The following ADAMTS18 variants were observed in gnomAD, a reference collection of about 807,000 sequenced individuals.
The protein encoded by ADAMTS18 is A disintegrin and metalloproteinase with thrombospondin motifs 18.
A neutral mutation model predicts 165.9 loss-of-function variants in ADAMTS18; 157 were observed. That is an observed-to-expected ratio of 0.95 (90% confidence interval 0.83 to 1.08). The LOEUF is 1.08. Ranked by LOEUF, ADAMTS18 falls within the 50% of genes least tolerant of loss-of-function variation. The probability of loss-of-function intolerance (pLI) is 0.00; values close to 1 mark genes in which losing one functional copy is unlikely to be tolerated. For synonymous variants in ADAMTS18, 782 were observed against 578.2 expected (o/e 1.35, Z -5.06); for missense variants, 2,040 against 1,534.0 (o/e 1.33, Z -5.51).
chr16:77,429,020 A>G (rs1295924296), intron 3 of ADAMTS18, among the ~76,000 whole-genome samples: 1 of 152,216 alleles, frequency 6.6e-6, no homozygotes, highest in East Asian at 1.9e-4. Flanking sequence ...ACCATTGTGG[A>G]AAGCAGTATG....
chr16:77,419,109 A>C (rs2144844375), intron 3 of ADAMTS18, among the ~76,000 whole-genome samples: 1 of 152,292 alleles, frequency 6.6e-6, no homozygotes, highest in East Asian at 1.9e-4. Context: ...AGATCATGCC[A>C]CTGCACTCCA....
At chr16:77,433,996 G>GA (rs760381285) in intron 2 of ADAMTS18, among the ~76,000 whole-genome samples, 1 of 152,086 alleles carries the variant, frequency 6.6e-6, no homozygotes, top group Non-Finnish European at 1.5e-5. Flanking sequence ...GAAGTCGAGA[G>GA]AAAAATGAGG....
chr16:77,377,695 C>T (rs988081500), intron 3 of ADAMTS18, among the ~76,000 whole-genome samples: 3 of 152,158 alleles, frequency 2.0e-5, no homozygotes, highest in Admixed American at 6.5e-5. Context: ...TTATTTTTCA[C>T]TTTTTAATTT....
At chr16:77,303,963 G>A (rs994412193) in intron 16 of ADAMTS18, among the ~76,000 whole-genome samples, 13 of 152,114 alleles carry the variant, frequency 8.5e-5, no homozygotes, top group African/African-American at 3.1e-4. Context: ...TCAGGAGGCG[G>A]AGCTTGCAGT....
intron 12 of ADAMTS18, among the ~76,000 whole-genome samples, chr16:77,334,189 GTTATATA>G: frequency 1.4e-5 from 1 of 73,230 alleles, no homozygotes; most frequent in Non-Finnish European, 2.4e-5. Flanking sequence ...AATATATAGT[GTTATATA>G]TTACATATAA....
chr16:77,351,369 A>C (rs1479166135), intron 10 of ADAMTS18, among the ~76,000 whole-genome samples: 1 of 152,174 alleles, frequency 6.6e-6, no homozygotes, highest in Non-Finnish European at 1.5e-5. Flanking sequence ...GACCATCAGA[A>C]TGAGAAGCTG....
At chr16:77,403,546 G>T (rs1395298829) in intron 3 of ADAMTS18, among the ~76,000 whole-genome samples, 1 of 152,170 alleles carries the variant, frequency 6.6e-6, no homozygotes, top group Non-Finnish European at 1.5e-5. Context: ...GTAGTTAAAA[G>T]TCAATAGTAA....
intron 16 of ADAMTS18, among the ~76,000 whole-genome samples, chr16:77,311,849 T>G (rs2055787228): frequency 6.6e-6 from 1 of 152,176 alleles, no homozygotes; most frequent in South Asian, 2.1e-4. Context: ...ACATTAAGTT[T>G]TTCTTGAATC....
chr16:77,424,173 A>AAGGCAGGC (rs112229694), intron 3 of ADAMTS18, among the ~76,000 whole-genome samples: 5 of 151,932 alleles, frequency 3.3e-5, no homozygotes, highest in South Asian at 2.1e-4. Flanking sequence ...CATACCCGAA[A>AAGGCAGGC]AGGCAGGCAG....
In ADAMTS18 at chr16:77,347,096, T is replaced by C. The variant is rs374988553; in HGVS notation, c.1615-5297A>G. Among the ~76,000 whole-genome samples the C allele has an allele frequency of 1.9e-4, 29 of 152,354 alleles. No homozygotes were observed. In the East Asian group the frequency reaches 5.6e-3, roughly 29 times the overall value. On this transcript the variant is annotated intron_variant, in intron 10 of 22. Coordinates refer to ENST00000282849, the MANE Select transcript of ADAMTS18 (RefSeq NM_199355.4). Reference sequence around the variant, plus strand: ...TTTTGTTCGGCATGTTTTTCAGTCATCCATGTTTTTGTGTGTATCAATAGT... The same window carrying C: ...TTTTGTTCGGCATGTTTTTCAGTCACCCATGTTTTTGTGTGTATCAATAGT...
chr16:77,366,422 C>G (rs2056794785), intron 4 of ADAMTS18, among the ~76,000 whole-genome samples: 1 of 151,996 alleles, frequency 6.6e-6, no homozygotes, highest in Non-Finnish European at 1.5e-5. Context: ...GCTTGGCGTG[C>G]TGGCGTGCGC....
chr16:77,382,674 G>A (rs761002669), intron 3 of ADAMTS18, among the ~76,000 whole-genome samples: 6 of 152,208 alleles, frequency 3.9e-5, no homozygotes, highest in Non-Finnish European at 5.9e-5. Flanking sequence ...CATTTCAAAG[G>A]AAGCTTAAGG....
intron 3 of ADAMTS18, among the ~76,000 whole-genome samples, chr16:77,399,315 C>T (rs1597225513): frequency 6.6e-6 from 1 of 152,124 alleles, no homozygotes; most frequent in East Asian, 1.9e-4. Flanking sequence ...GAAAGTAGGC[C>T]AGAGAGATGG....
intron 16 of ADAMTS18, among the ~76,000 whole-genome samples, chr16:77,314,649 G>A (rs9674138): frequency 0.011 from 1,366 of 126,466 alleles, 66 homozygotes; most frequent in African/African-American, 0.039. Context: ...GTGTGTGTGT[G>A]TATATATATA....
At chr16:77,422,557 G>T (rs1299638718) in intron 3 of ADAMTS18, among the ~76,000 whole-genome samples, 2 of 150,854 alleles carry the variant, frequency 1.3e-5, no homozygotes, top group East Asian at 2.0e-4. Flanking sequence ...AAAGAGGAAG[G>T]AAGGGAGGGA....
intron 3 of ADAMTS18, among the ~76,000 whole-genome samples, chr16:77,397,969 G>C (rs1002954476): frequency 1.3e-5 from 2 of 152,064 alleles, no homozygotes; most frequent in African/African-American, 4.8e-5. Context: ...ATTTGAGTTT[G>C]GGACACCCAA....
chr16:77,390,621 C>T (rs573691996), intron 3 of ADAMTS18, among the ~76,000 whole-genome samples: 4 of 151,332 alleles, frequency 2.6e-5, no homozygotes, highest in Non-Finnish European at 4.4e-5. Flanking sequence ...ACCCGGCAGA[C>T]GGAGGTTGCA....
rs1555511655 is a variant in ADAMTS18 at position 77,314,753 on chromosome 16, C to CTTATAT, written c.2532+5095_2532+5096insATATAA. On this transcript the variant is annotated intron_variant, in intron 16 of 22. Transcript: ENST00000282849. ...GTTTGCTAAATATGGTCTCAGGTTT[C>CTTATAT]ATATATATATATATATATATATATA... 7.6e-3 allele frequency among the ~76,000 whole-genome samples: 281 copies of CTTATAT among 36,896 alleles called. 48 individuals are homozygous for CTTATAT. Among genetic ancestry groups the CTTATAT allele is most frequent in the African/African-American group, 0.018 (161 of 8,992 alleles). 24.2% of individuals were successfully genotyped at this position (36,896 alleles called of 152,430 possible). A position where few individuals can be genotyped will look rare whatever the true frequency, so the allele number is the denominator to read the frequency against.
rs2055363688 is a variant in ADAMTS18 at position 77,291,479 on chromosome 16, C to T, written c.3190-1G>A. 6.2e-7 allele frequency: 1 copy of T among 1,613,976 alleles called. No homozygotes were observed. The highest frequency in any genetic ancestry group is 8.5e-7 in the Non-Finnish European group (1 of 1,179,984). On this transcript the variant is annotated splice_acceptor_variant, in intron 20 of 22. Transcript: ENST00000282849. LOFTEE classifies it high-confidence loss of function. ...CACCCAAACCACAGGTTGCAGAACACTAGGAGCCAAGACAGGATGTGTAAA... is the reference window on the plus strand; with the variant it reads ...CACCCAAACCACAGGTTGCAGAACATTAGGAGCCAAGACAGGATGTGTAAA...
Sources: gnomAD v4.1 joint callset for allele counts (sites outside exome capture counted in the v4.1 genomes callset) on GRCh38, gnomAD v4.1.1 for gene constraint, MANE v1.5 for transcripts, NCBI Gene and HGNC (gene_info 2026-07-23, HGNC 2026-07-21) for gene names.